NUBPL: variants seen among roughly 807,000 people sequenced by gnomAD.
NUBPL encodes the protein iron-sulfur cluster transfer protein NUBPL.
A neutral mutation model predicts 45.7 loss-of-function variants in NUBPL; 31 were observed. The ratio of observed to expected loss-of-function variants is 0.68; its 90% CI spans 0.51 to 0.92. The LOEUF is 0.92. Ranked by LOEUF, NUBPL falls within the 40% of genes least tolerant of loss-of-function variation. The pLI, the probability that NUBPL is intolerant of heterozygous loss-of-function variation, is 0.00. For synonymous variants in NUBPL, 144 were observed against 140.9 expected, an observed-to-expected ratio of 1.02 and a Z score of -0.15; for missense variants, 401 against 398.7, an observed-to-expected ratio of 1.01 and a Z score of -0.05.
At chr14:31,778,101 A>G (rs1026181210) in intron 6 of NUBPL, among the ~76,000 whole-genome samples, 2 of 152,236 alleles carry the variant, frequency 1.3e-5, no homozygotes, top group African/African-American at 4.8e-5. Context: ...GTGTGCCTCA[A>G]GACTCTCAGG....
chr14:31,627,643 G>A (rs986171562), intron 4 of NUBPL, among the ~76,000 whole-genome samples: 37 of 151,722 alleles, frequency 2.4e-4, no homozygotes, highest in Non-Finnish European at 2.5e-4. Flanking sequence ...GCGGGCACCT[G>A]TAGTCCCAGC....
At chr14:31,661,746 T>G (rs978742229) in intron 4 of NUBPL, among the ~76,000 whole-genome samples, 1 of 152,196 alleles carries the variant, frequency 6.6e-6, no homozygotes, top group African/African-American at 2.4e-5. Flanking sequence ...TTCACCATGT[T>G]GGCCAGGATG....
intron 6 of NUBPL, among the ~76,000 whole-genome samples, chr14:31,762,977 C>G (rs1281901316): frequency 6.6e-6 from 1 of 152,150 alleles, no homozygotes; most frequent in Non-Finnish European, 1.5e-5. Flanking sequence ...GAGTTTTCTT[C>G]ATAGATCCCT....
At chr14:31,703,966 G>A (rs575998685) in intron 6 of NUBPL, among the ~76,000 whole-genome samples, 1 of 152,302 alleles carries the variant, frequency 6.6e-6, no homozygotes, top group East Asian at 1.9e-4. Flanking sequence ...GCCACCACCT[G>A]ACATTCCTAC....
chr14:31,693,093 C>A (rs1595502366), intron 6 of NUBPL, among the ~76,000 whole-genome samples: 1 of 152,022 alleles, frequency 6.6e-6, no homozygotes. Context: ...AAATCTATAA[C>A]CCATTTGATT....
At chr14:31,801,060 A>G (rs34753663) in intron 7 of NUBPL, 13,462 of 152,358 alleles carry the variant, frequency 0.088, 774 homozygotes, top group Non-Finnish European at 0.12. Context: ...AGGGCAAGGG[A>G]GTGAACTGTC....
intron 6 of NUBPL, among the ~76,000 whole-genome samples, chr14:31,715,293 T>G (rs183506576): frequency 1.4e-4 from 21 of 152,206 alleles, no homozygotes; most frequent in Non-Finnish European, 2.9e-4. Context: ...GTCCTTAACA[T>G]GGGTATAATT....
chr14:31,687,394 A>G (rs976632318), intron 6 of NUBPL, among the ~76,000 whole-genome samples: 1 of 152,248 alleles, frequency 6.6e-6, no homozygotes, highest in Non-Finnish European at 1.5e-5. Context: ...GTATACACAA[A>G]TCTATTATAA....
At chr14:31,776,064 T>C (rs1326426624) in intron 6 of NUBPL, among the ~76,000 whole-genome samples, 1 of 152,232 alleles carries the variant, frequency 6.6e-6, no homozygotes, top group East Asian at 1.9e-4. Flanking sequence ...TTTCGTGTTC[T>C]AAGTAAATAT....
At chr14:31,858,726 T>C (rs1595717219) in intron 10 of NUBPL, among the ~76,000 whole-genome samples, 1 of 152,204 alleles carries the variant, frequency 6.6e-6, no homozygotes, top group Non-Finnish European at 1.5e-5. Context: ...ATAGTCCTCC[T>C]TAAAATGACT....
intron 6 of NUBPL, among the ~76,000 whole-genome samples, chr14:31,749,378 G>GTAAA (rs1275154246): frequency 6.6e-6 from 1 of 152,154 alleles, no homozygotes; most frequent in Non-Finnish European, 1.5e-5. Context: ...AGCATTTGTT[G>GTAAA]TAAAGCTGGT....
chr14:31,836,080 T>G (rs901613381), intron 8 of NUBPL, among the ~76,000 whole-genome samples: 4 of 152,214 alleles, frequency 2.6e-5, no homozygotes, highest in African/African-American at 9.6e-5. Flanking sequence ...TGGAGCCTTT[T>G]GGGCCTCCTT....
chr14:31,695,177 A>G (rs1318592431), intron 6 of NUBPL, among the ~76,000 whole-genome samples: 1 of 152,186 alleles, frequency 6.6e-6, no homozygotes, highest in African/African-American at 2.4e-5. Context: ...TTGAAAGAGA[A>G]CAAGTTGTTA....
rs553371209 is a variant in NUBPL, at chr14:31,581,256, A to G, written c.291+16208A>G. On this transcript the variant is annotated intron_variant, in intron 3 of 10. Transcript: ENST00000281081. The stretch of plus-strand genomic sequence containing the variant: ...AAATATGCATAATATAAAACTGACC[A>G]TTTTAATGATTTTAAAGTGTGCAAT... 2.1e-5 allele frequency among the ~76,000 whole-genome samples: 3 copies of G among 143,264 alleles called. No individual in the cohort carries two copies. The Admixed American group carries it at 2.2e-4, about 10-fold the overall frequency. The allele number at this position is 143,264 out of a possible 152,430, so 94.0% of individuals were successfully genotyped here. A position where few individuals can be genotyped will look rare whatever the true frequency, so the allele number is the denominator to read the frequency against.
chr14:31,673,204 A>G (rs1397507708), intron 4 of NUBPL, 151 bp from the exon 5 acceptor site: 1 of 645,060 alleles, frequency 1.6e-6, no homozygotes, highest in African/African-American at 1.8e-5. Context: ...TACAATGTAG[A>G]CATGTATCAT....
At chr14:31,621,461 G>A (rs4981865) in intron 4 of NUBPL, among the ~76,000 whole-genome samples, 45,217 of 152,088 alleles carry the variant, frequency 0.3, 7,529 homozygotes, top group South Asian at 0.41. Context: ...TGCGAAGACC[G>A]TGGGAAATGT....
intron 4 of NUBPL, among the ~76,000 whole-genome samples, chr14:31,621,460 C>T (rs529496439): frequency 2.7e-4 from 41 of 152,254 alleles, no homozygotes; most frequent in Non-Finnish European, 3.7e-4. Flanking sequence ...TTGCGAAGAC[C>T]GTGGGAAATG....
At chr14:31,787,633 CT>C in intron 6 of NUBPL, 146 bp from the exon 7 acceptor site, 1 of 633,832 alleles carries the variant, frequency 1.6e-6, no homozygotes, top group Non-Finnish European at 2.8e-6. Context: ...TCCATGTATC[CT>C]TAGGACTCAG....
intron 6 of NUBPL, among the ~76,000 whole-genome samples, chr14:31,683,659 A>G (rs1244587883): frequency 6.6e-6 from 1 of 152,032 alleles, no homozygotes; most frequent in South Asian, 2.1e-4. Context: ...CTGCCAAAAC[A>G]ATCTTTTTTA....
Sources: allele counts gnomAD v4.1 joint callset (sites outside exome capture counted in the v4.1 genomes callset), GRCh38; gene constraint gnomAD v4.1.1; transcripts MANE v1.5; gene names NCBI Gene and HGNC (gene_info 2026-07-23, HGNC 2026-07-21).